GGA2: variants seen among roughly 807,000 people sequenced by gnomAD.
GGA2 encodes the protein golgi associated, gamma adaptin ear containing, ARF binding protein 2.
A neutral mutation model predicts 79.5 loss-of-function variants in GGA2; 48 were observed. The ratio of observed to expected loss-of-function variants is 0.60; its 90% CI spans 0.48 to 0.77. GGA2 has a LOEUF of 0.77. Ranked by LOEUF, GGA2 falls within the 30% of genes least tolerant of loss-of-function variation. The pLI is 0.00. For synonymous variants in GGA2, 317 were observed against 302.0 expected (o/e 1.05, Z -0.51); for missense variants, 770 against 774.0 (o/e 0.99, Z 0.06).
At position 23,488,634 on chromosome 16, in the gene GGA2, A is replaced by G. The variant is rs773150787; in HGVS notation, c.551T>C (p.Ile184Thr). Residue 184 changes from isoleucine to threonine, a missense_variant, in exon 6 of 17, where the codon ATC becomes ACC. Coordinates refer to ENST00000309859, the MANE Select transcript of GGA2 (RefSeq NM_015044.4). The part of the protein sequence containing the change: ...PPPSPWPKSS[I>T]FDADEEKSKL... ...GGACTTTTCTTCATCAGCATCAAAG[A>G]TGGAGCTCTTGGGCCAGGGAGATGG... The G allele has an allele frequency of 1.2e-6, 2 of 1,607,568 alleles. No homozygotes were observed. The highest frequency in any genetic ancestry group is 1.7e-6 in the Non-Finnish European group (2 of 1,174,042).
At chr16:23,517,767 T>C (rs557452752) in intron 2 of GGA2, among the ~76,000 whole-genome samples, 1 of 152,126 alleles carries the variant, frequency 6.6e-6, no homozygotes, top group Non-Finnish European at 1.5e-5. Context: ...ACCTAGCTAA[T>C]TTTTTGTGTT....
upstream of GGA2, among the ~76,000 whole-genome samples, chr16:23,510,870 C>CGTGT (rs146414672): frequency 1.8e-3 from 232 of 129,482 alleles, 4 homozygotes; most frequent in African/African-American, 7.3e-3. Flanking sequence ...CCACGCCTGG[C>CGTGT]GTGTGTGTGT....
At chr16:23,520,540 C>T (rs1002856089) in intron 1 of GGA2, among the ~76,000 whole-genome samples, 3 of 151,836 alleles carry the variant, frequency 2.0e-5, no homozygotes, top group African/African-American at 7.3e-5. Context: ...ACCTGTGATT[C>T]CAGCTACTCA....
chr16:23,494,033 G>C, intron 3 of GGA2: 1 of 487,262 alleles, frequency 2.1e-6, no homozygotes, highest in East Asian at 3.6e-5. Context: ...GAACTTGCCA[G>C]CCCTGGTCTA....
At chr16:23,506,958 A>C (rs1964980271) in intron 1 of GGA2, among the ~76,000 whole-genome samples, 1 of 152,144 alleles carries the variant, frequency 6.6e-6, no homozygotes, top group Non-Finnish European at 1.5e-5. Context: ...TGGATGGGAC[A>C]CTGGACCCAG....
chr16:23,475,835 C>A (rs746632948), intron 13 of GGA2, among the ~76,000 whole-genome samples: 53 of 151,826 alleles, frequency 3.5e-4, no homozygotes, highest in Non-Finnish European at 4.7e-4. Context: ...GAGGCTGAGG[C>A]AGGAGAATGG....
chr16:23,482,303 T>C (rs1964657815), intron 9 of GGA2, among the ~76,000 whole-genome samples: 1 of 152,060 alleles, frequency 6.6e-6, no homozygotes, highest in Admixed American at 6.6e-5. Flanking sequence ...AGAATTTGCT[T>C]CAAAACAGAC....
At chr16:23,469,913 A>G in intron 15 of GGA2, 83 bp downstream of exon 15, 1 of 1,017,720 alleles carries the variant, frequency 9.8e-7, no homozygotes. Context: ...TCTTTCCTTG[A>G]CACTCGACAG....
intron 2 of GGA2, among the ~76,000 whole-genome samples, chr16:23,494,684 A>C (rs1211745257): frequency 6.6e-6 from 1 of 152,252 alleles, no homozygotes; most frequent in African/African-American, 2.4e-5. Context: ...CCACAGCAGC[A>C]CAGGCCCTGT....
intron 13 of GGA2, among the ~76,000 whole-genome samples, 194 bp from the exon 14 acceptor site, chr16:23,475,255 T>C (rs1596977701): frequency 6.7e-6 from 1 of 150,188 alleles, no homozygotes; most frequent in East Asian, 2.0e-4. Flanking sequence ...AATCGAACAG[T>C]CTCGGCTCAC....
intron 2 of GGA2, among the ~76,000 whole-genome samples, chr16:23,517,967 C>A (rs1965111756): frequency 6.6e-6 from 1 of 151,668 alleles, no homozygotes; most frequent in Admixed American, 6.6e-5. Flanking sequence ...GGCTGGAGTG[C>A]AGTGTTGTGA....
chr16:23,506,976 G>T (rs912224840), intron 1 of GGA2, among the ~76,000 whole-genome samples: 3 of 152,170 alleles, frequency 2.0e-5, no homozygotes, highest in Non-Finnish European at 4.4e-5. Context: ...CAGAATGGGG[G>T]AGGGGCAGTT....
chr16:23,478,703 C>T (rs761463518), intron 12 of GGA2, 180 bp downstream of exon 12: 2 of 734,912 alleles, frequency 2.7e-6, no homozygotes, highest in Admixed American at 4.0e-5. Flanking sequence ...CTGGTGCAAC[C>T]TGTCTCCCCC....
At chr16:23,486,246 C>G in intron 7 of GGA2, 94 bp from the exon 8 acceptor site, 1 of 1,094,466 alleles carries the variant, frequency 9.1e-7, no homozygotes, top group Admixed American at 1.9e-5. Context: ...TGAGAGAGCT[C>G]GCTCAGGGGC....
chr16:23,493,233 G>A (rs1596989323), intron 4 of GGA2, 127 bp downstream of exon 4: 3 of 662,900 alleles, frequency 4.5e-6, no homozygotes, highest in South Asian at 1.7e-5. Flanking sequence ...AGAGGAGAGC[G>A]CTTCTTTCAC....
Position 23,504,281 on chromosome 16 carries a change from G to C in GGA2, c.91+6040C>G, listed in dbSNP as rs148107863. On this transcript the variant is annotated intron_variant, in intron 1 of 16. Coordinates refer to ENST00000309859, the MANE Select transcript of GGA2 (RefSeq NM_015044.4). ...CCTGGATGTGTTTCTAACCACTCTT[G>C]CGGTGAGGTCTTCAGTTCCTTGACA... Among the ~76,000 whole-genome samples the C allele has an allele frequency of 2.7e-3, 407 of 152,278 alleles. 1 individual carries two copies. The highest frequency in any genetic ancestry group is 9.3e-3 in the African/African-American group (387 of 41,556).
rs1964705475 is a variant in GGA2, at chr16:23,485,902, C to T, written c.798+113G>A. The T allele has an allele frequency of 5.3e-6, 5 of 952,324 alleles. No individual in the cohort carries two copies. In the African/African-American group the frequency reaches 6.5e-5, roughly 12 times the overall value. 59.0% of individuals were successfully genotyped at this position (952,324 alleles called of 1,614,324 possible). A position where few individuals can be genotyped will look rare whatever the true frequency, so the allele number is the denominator to read the frequency against. On this transcript the variant is annotated intron_variant, in intron 8 of 16. Coordinates refer to ENST00000309859, the MANE Select transcript of GGA2 (RefSeq NM_015044.4). ...AGCACAACGACATTTGGGGAGGTGTCAGATATGTTTACCGTCTTGACTCTG... is the reference window on the plus strand; with the variant it reads ...AGCACAACGACATTTGGGGAGGTGTTAGATATGTTTACCGTCTTGACTCTG...
rs1483287358 is a variant in GGA2 at position 23,463,805 on chromosome 16, A to G, written c.*3785T>C. On this transcript the variant is annotated 3_prime_UTR_variant, in exon 17 of 17. Coordinates refer to ENST00000309859, the MANE Select transcript of GGA2 (RefSeq NM_015044.4). ...GTAACACAGAGATCCAGTCTTTACG[A>G]AAAACTGCAACATTAGCTGGGCGTG... The G allele has an allele frequency of 1.3e-5, 2 of 152,186 alleles. No homozygotes were observed. Among genetic ancestry groups the G allele is most frequent in the African/African-American group, 4.8e-5 (2 of 41,430 alleles). The allele number at this position is 152,186 out of a possible 1,614,324, so 9.4% of individuals were successfully genotyped here.
chr16:23,471,752 A>T (rs1482741597), intron 14 of GGA2, among the ~76,000 whole-genome samples: 2 of 151,976 alleles, frequency 1.3e-5, no homozygotes, highest in African/African-American at 4.8e-5. Context: ...AAAAGACAAT[A>T]AAAATTTGCT....
Sources: gnomAD v4.1 joint callset for allele counts (sites outside exome capture counted in the v4.1 genomes callset) on GRCh38, gnomAD v4.1.1 for gene constraint, MANE v1.5 for transcripts, NCBI Gene and HGNC (gene_info 2026-07-23, HGNC 2026-07-21) for gene names.